Variants in IL21R observed in about 807,000 individuals in gnomAD.
IL21R encodes the protein interleukin-21 receptor.
In IL21R, 14 loss-of-function variants were observed where a neutral mutation model predicts 41.3. That is an observed-to-expected ratio of 0.34 (90% confidence interval 0.22 to 0.53). The LOEUF is 0.53. Among genes scored for constraint, IL21R ranks in the 20% least tolerant of loss-of-function variants. IL21R has a pLI of 0.94. For missense variants in IL21R, 588 were observed against 681.6 expected, an observed-to-expected ratio of 0.86 and a Z score of 1.53; for synonymous variants, 286 against 287.6, an observed-to-expected ratio of 0.99 and a Z score of 0.05.
At position 27,447,236 on chromosome 16, in the gene IL21R, T is replaced by C. The variant is rs574578668; in HGVS notation, c.867+1148T>C. Among the ~76,000 whole-genome samples, 3 of 152,286 alleles carry C rather than the reference T, an allele frequency of 2.0e-5. No homozygotes were observed. In the South Asian group the frequency reaches 6.2e-4, roughly 32 times the overall value. On this transcript the variant is annotated intron_variant, in intron 8 of 8. Transcript: ENST00000337929. The stretch of plus-strand genomic sequence containing the variant: ...ACCAATACTCATATAGCACTTGCTA[T>C]ATACCAGGCAGTCCCCTAGGAGCAT...
intron 2 of IL21R, among the ~76,000 whole-genome samples, chr16:27,430,573 T>C (rs1488139629): frequency 2.6e-5 from 4 of 152,142 alleles, no homozygotes; most frequent in Non-Finnish European, 5.9e-5. Context: ...CCCAGCCCTT[T>C]GGGAGGCTGA....
intron 1 of IL21R, among the ~76,000 whole-genome samples, chr16:27,403,581 C>A (rs897911836): frequency 6.6e-6 from 1 of 152,194 alleles, no homozygotes; most frequent in Non-Finnish European, 1.5e-5. Context: ...CCTTGAGAAG[C>A]CATGGTTTTC....
At position 27,434,434 on chromosome 16, in the gene IL21R, C is replaced by A. The variant is rs137946070; in HGVS notation, c.137C>A (p.Thr46Lys). 3 of 1,611,828 alleles carry A rather than the reference C, an allele frequency of 1.9e-6. No individual in the cohort carries two copies. In the African/African-American group the frequency reaches 4.0e-5, roughly 22 times the overall value. Residue 46 changes from threonine (T) to lysine (K), a missense_variant, in exon 3 of 9, where the codon ACG (threonine) becomes AAG (lysine). Thr to Lys is a moderately conservative substitution (Grantham distance 78). Transcript: ENST00000337929. Reference protein sequence around the residue: ...ILEMWNLHPSTLTLTWQDQYE... With the variant: ...ILEMWNLHPSKLTLTWQDQYE... Reference sequence around the variant, plus strand: ...GAAATGTGGAACCTCCACCCCAGCACGCTCACCCTTACCTGGTAAGTAGCC... The same window carrying A: ...GAAATGTGGAACCTCCACCCCAGCAAGCTCACCCTTACCTGGTAAGTAGCC...
Position 27,437,561 on chromosome 16 carries a change from C to T in IL21R, c.226C>T (p.His76Tyr). 6.2e-7 allele frequency: 1 copy of T among 1,614,230 alleles called. No homozygotes were observed. Among genetic ancestry groups the T allele is most frequent in the Non-Finnish European group, 8.5e-7 (1 of 1,180,032 alleles). ...CCACAGGTCGGCCCACAATGCCACG[C>T]ATGCCACCTACACCTGCCACATGGA... Reference protein sequence around the residue: ...SLHRSAHNATHATYTCHMDVF... With the variant: ...SLHRSAHNATYATYTCHMDVF... The change falls in exon 4 of 9, where the codon CAT (histidine) becomes TAT (tyrosine). Residue 76 changes from histidine to tyrosine, a missense_variant. Transcript: ENST00000337929.
chr16:27,405,716 G>A (rs2086733093), intron 1 of IL21R, among the ~76,000 whole-genome samples: 1 of 152,130 alleles, frequency 6.6e-6, no homozygotes, highest in Non-Finnish European at 1.5e-5. Context: ...TGGCTCACAG[G>A]TGCCACCGCC....
chr16:27,433,977 A>C (rs1229955836), intron 2 of IL21R, among the ~76,000 whole-genome samples: 5 of 152,078 alleles, frequency 3.3e-5, no homozygotes. Flanking sequence ...TTCCTACCAC[A>C]TCTGGGGCAT....
At position 27,427,949 on chromosome 16, in the gene IL21R, A is replaced by C. The variant is rs903950853; in HGVS notation, c.-16-2107A>C. Among the ~76,000 whole-genome samples, 3 of 152,222 alleles carry C rather than the reference A, an allele frequency of 2.0e-5. No homozygotes were observed. In the East Asian group the frequency reaches 5.8e-4, roughly 29 times the overall value. ...ATTGCTTAGGATGATGCTGGAGTTA[A>C]ATTTTTAAGTGTGCTTATCTATAGA... On this transcript the variant is annotated intron_variant, in intron 1 of 8. Coordinates refer to ENST00000337929, the MANE Select transcript of IL21R (RefSeq NM_181078.3).
At position 27,407,946 on chromosome 16, in the gene IL21R, G is replaced by A. The variant is rs144291954; in HGVS notation, c.-17+5328G>A. 3.5e-4 allele frequency among the ~76,000 whole-genome samples: 54 copies of A among 152,292 alleles called. No homozygotes were observed. In the East Asian group the frequency reaches 0.01, roughly 28 times the overall value. On this transcript the variant is annotated intron_variant, in intron 1 of 8. Transcript: ENST00000337929. ...GGTAAGATTTAACTTTGGAGTGTAC[G>A]GTCTACATAGGTCTTAACATTGAGG... is the stretch of plus-strand genomic sequence containing the variant.
rs866096227 is a variant in IL21R at position 27,409,182 on chromosome 16, A to T, written c.-17+6564A>T. 8.6e-3 allele frequency among the ~76,000 whole-genome samples: 1,216 copies of T among 141,722 alleles called. 19 individuals carry two copies. The highest frequency in any genetic ancestry group is 0.054 in the East Asian group (251 of 4,608). 93.0% of individuals were successfully genotyped at this position (141,722 alleles called of 152,430 possible). A position where few individuals can be genotyped will look rare whatever the true frequency, so the allele number is the denominator to read the frequency against. ...CTCTCTCTCCATATATATATTTATA[A>T]AAATAAATTATATATGTTTATTATA... On this transcript the variant is annotated intron_variant, in intron 1 of 8. Coordinates refer to ENST00000337929, the MANE Select transcript of IL21R (RefSeq NM_181078.3).
chr16:27,419,531 G>A (rs370293922), intron 1 of IL21R, among the ~76,000 whole-genome samples: 14 of 152,086 alleles, frequency 9.2e-5, no homozygotes, highest in African/African-American at 2.9e-4. Context: ...GGGTTCATGC[G>A]ATTCTTGTGC....
intron 1 of IL21R, among the ~76,000 whole-genome samples, chr16:27,404,209 G>T (rs1163745381): frequency 2.0e-5 from 3 of 152,184 alleles, no homozygotes; most frequent in Non-Finnish European, 4.4e-5. Flanking sequence ...TCCTCTGCCA[G>T]GAGGGTGTCC....
rs374046245 is a variant in IL21R at position 27,437,488 on chromosome 16, G to C, written c.153G>C (p.Trp51Cys). 3 of 1,613,022 alleles carry C rather than the reference G, an allele frequency of 1.9e-6. No homozygotes were observed. The African/African-American group carries it at 4.0e-5, about 22-fold the overall frequency. Residue 51 changes from tryptophan to cysteine, a missense_variant and splice_region_variant, in exon 4 of 9, where the codon TGG (tryptophan) becomes TGC (cysteine). Transcript: ENST00000337929. ...NLHPSTLTLT[W>C]QDQYEELKDE... is the part of the protein sequence containing the mutation. ...ATGACCGGCTGCTTTGTCCTTGAAG[G>C]CAAGACCAGTATGAAGAGCTGAAGG...
chr16:27,405,636 T>A (rs770606666), intron 1 of IL21R, among the ~76,000 whole-genome samples: 3 of 152,186 alleles, frequency 2.0e-5, no homozygotes, highest in Admixed American at 1.3e-4. Context: ...CCTCCTTCCC[T>A]GCCCTCCGGA....
Position 27,446,771 on chromosome 16 carries a change from GC to G in IL21R, c.867+686del, listed in dbSNP as rs569188415. On this transcript the variant is annotated intron_variant, in intron 8 of 8. Coordinates refer to ENST00000337929, the MANE Select transcript of IL21R (RefSeq NM_181078.3). ...GGGAATAGGTTCTGGAAAGAGCCTG[GC>G]CCACGGGGCAAAACACACTAACATT... 5.3e-5 allele frequency among the ~76,000 whole-genome samples: 8 copies of G among 152,166 alleles called. No individual in the cohort carries two copies. The South Asian group carries it at 1.7e-3, about 32-fold the overall frequency.
At chr16:27,412,160 T>G (rs2086832430) in intron 1 of IL21R, among the ~76,000 whole-genome samples, 2 of 152,210 alleles carry the variant, frequency 1.3e-5, no homozygotes, top group South Asian at 4.1e-4. Flanking sequence ...CATATGGATA[T>G]TTGGTTCTTC....
chr16:27,433,057 G>A (rs1275083201), intron 2 of IL21R, among the ~76,000 whole-genome samples: 2 of 152,114 alleles, frequency 1.3e-5, no homozygotes, highest in Non-Finnish European at 2.9e-5. Context: ...TCTTGGCTCC[G>A]CATATAGGTT....
intron 1 of IL21R, among the ~76,000 whole-genome samples, chr16:27,408,784 C>T (rs1370339474): frequency 2.0e-5 from 3 of 152,174 alleles, no homozygotes; most frequent in Non-Finnish European, 4.4e-5. Flanking sequence ...CACTACCCAC[C>T]TTTCACTTTC....
In IL21R at chr16:27,449,486, C is replaced by T. The variant is rs891882569; in HGVS notation, c.*203C>T. 3.3e-5 allele frequency: 20 copies of T among 600,516 alleles called. No individual in the cohort carries two copies. Among genetic ancestry groups the T allele is most frequent in the Non-Finnish European group, 4.6e-5 (16 of 345,412 alleles). 37.2% of individuals were successfully genotyped at this position (600,516 alleles called of 1,614,324 possible). ...TGTGTGTGTGTGTGTGTCTTAGGTG[C>T]GCAGTGGCATGTCCACGTGTGTGTG... On this transcript the variant is annotated 3_prime_UTR_variant, in exon 9 of 9. Transcript: ENST00000337929.
chr16:27,412,643 T>C (rs1167143739), intron 1 of IL21R, among the ~76,000 whole-genome samples: 1 of 152,182 alleles, frequency 6.6e-6, no homozygotes, highest in Non-Finnish European at 1.5e-5. Flanking sequence ...TTTTCACTTA[T>C]CTGTGTTCTT....
Sources: allele counts gnomAD v4.1 joint callset (sites outside exome capture counted in the v4.1 genomes callset), GRCh38; gene constraint gnomAD v4.1.1; transcripts MANE v1.5; gene names NCBI Gene and HGNC (gene_info 2026-07-23, HGNC 2026-07-21).